CACNA1B: variants seen among roughly 807,000 people sequenced by gnomAD.
CACNA1B encodes the protein calcium voltage-gated channel subunit alpha1 B, also known as voltage-dependent N-type calcium channel subunit alpha-1B.
CACNA1B carries 70 observed loss-of-function variants against 247.2 expected under a neutral mutation model. The ratio of observed to expected loss-of-function variants is 0.28; its 90% CI spans 0.23 to 0.35. The LOEUF (loss-of-function observed/expected upper bound fraction) is 0.35. CACNA1B is among the 10% of genes least tolerant of loss of function. The pLI is 1.00. For missense variants in CACNA1B, 2,367 were observed against 3,197.4 expected, an observed-to-expected ratio of 0.74 and a Z score of 6.26; for synonymous variants, 1,231 against 1,294.4, an observed-to-expected ratio of 0.95 and a Z score of 1.05.
rs755331470 is a variant in CACNA1B at position 137,941,059 on chromosome 9, A to G, written c.967-11215A>G. Among the ~76,000 whole-genome samples, 6 of 152,134 alleles carry G rather than the reference A, an allele frequency of 3.9e-5. 1 individual carries two copies. The South Asian group carries it at 6.2e-4, about 16-fold the overall frequency. On this transcript the variant is annotated intron_variant, in intron 6 of 46. Transcript: ENST00000371372. The stretch of plus-strand genomic sequence containing the variant: ...CTTCAACATAGTAATGGAAGTCCTA[A>G]CCAGAGCAATCAGACAAGAGAAAGA...
intron 42 of CACNA1B, among the ~76,000 whole-genome samples, chr9:138,116,197 C>A (rs1003135804): frequency 6.6e-6 from 1 of 152,224 alleles, no homozygotes; most frequent in African/African-American, 2.4e-5. Context: ...CAATGGCCTT[C>A]TACTGCTCTG....
At chr9:137,885,017 G>T (rs1956990210) in intron 3 of CACNA1B, among the ~76,000 whole-genome samples, 1 of 116,546 alleles carries the variant, frequency 8.6e-6, no homozygotes, top group South Asian at 3.3e-4. Context: ...CACGCTCTCT[G>T]TCTCTGGCCC....
rs1187449257 is a variant in CACNA1B, at chr9:138,051,571, C to T, written c.3711-521C>T. 4.6e-5 allele frequency among the ~76,000 whole-genome samples: 7 copies of T among 151,728 alleles called. No homozygotes were observed. Among genetic ancestry groups the T allele is most frequent in the African/African-American group, 1.7e-4 (7 of 41,234 alleles). ...TTTTCTCTTTCTTACTCTCCTTCCC[C>T]TCTTCTGTCTTCCCGCTGTCGGTTT... is the stretch of plus-strand genomic sequence containing the variant. On this transcript the variant is annotated intron_variant, in intron 24 of 46. Transcript: ENST00000371372. The surrounding 1 kb of genome is among the most constrained non-coding windows in gnomAD (Gnocchi z 4.3).
intron 39 of CACNA1B, among the ~76,000 whole-genome samples, chr9:138,110,978 TA>T (rs35447490): frequency 0.19 from 27,483 of 143,730 alleles, 3,042 homozygotes; most frequent in Middle Eastern, 0.33. Context: ...ATCCAGAATT[TA>T]AAAAAAAAAA....
intron 6 of CACNA1B, among the ~76,000 whole-genome samples, chr9:137,931,878 C>A (rs1957611670): frequency 6.6e-6 from 1 of 152,084 alleles, no homozygotes; most frequent in African/African-American, 2.4e-5. Context: ...TAGTGATGGG[C>A]CGGCTAGAGG....
At chr9:137,996,194 A>G (rs1057223368) in intron 15 of CACNA1B, among the ~76,000 whole-genome samples, 8 of 152,260 alleles carry the variant, frequency 5.3e-5, no homozygotes, top group African/African-American at 1.7e-4. Context: ...TATATGAAAA[A>G]GGATACTTGC....
At chr9:138,025,274 C>T (rs1958907890) in intron 20 of CACNA1B, 102 bp downstream of exon 20, 4 of 736,632 alleles carry the variant, frequency 5.4e-6, no homozygotes, top group Non-Finnish European at 7.0e-6. Flanking sequence ...CCCAGCCTAC[C>T]TCTGTGAATT....
chr9:138,026,698 AT>A (rs1269522518), intron 20 of CACNA1B, among the ~76,000 whole-genome samples: 2 of 152,164 alleles, frequency 1.3e-5, no homozygotes, highest in African/African-American at 4.8e-5. Context: ...GTTGCTTCCA[AT>A]TTTTGGCAAT....
chr9:137,995,044 A>T (rs529668865), intron 15 of CACNA1B, among the ~76,000 whole-genome samples: 27 of 152,052 alleles, frequency 1.8e-4, no homozygotes, highest in African/African-American at 5.5e-4. Context: ...AACCCTACTT[A>T]AAAAAGTACA....
chr9:138,112,700 G>T (rs1247319369), intron 40 of CACNA1B, among the ~76,000 whole-genome samples, 195 bp downstream of exon 40: 2 of 152,190 alleles, frequency 1.3e-5, no homozygotes, highest in Admixed American at 6.5e-5. Context: ...AGATGAGCGT[G>T]GGTTTGTTGT....
intron 20 of CACNA1B, among the ~76,000 whole-genome samples, chr9:138,026,160 C>T (rs2133443377): frequency 6.6e-6 from 1 of 152,344 alleles, no homozygotes; most frequent in East Asian, 1.9e-4. Flanking sequence ...TGCTCAGGTG[C>T]TCTCACCTGG....
At chr9:137,932,494 G>T (rs1018402371) in intron 6 of CACNA1B, among the ~76,000 whole-genome samples, 6 of 152,180 alleles carry the variant, frequency 3.9e-5, no homozygotes, top group Non-Finnish European at 8.8e-5. Flanking sequence ...GGGCTAGCTT[G>T]TTGTTTTCAC....
chr9:137,971,913 G>A lies in CACNA1B; in HGVS notation c.1543+321G>A, dbSNP rs1002484171. ...GGATATATGTGGGACGACCAGGGGC[G>A]AGTCAGGCCAGGCAGATGGGTGTCC... On this transcript the variant is annotated intron_variant, in intron 11 of 46. Transcript: ENST00000371372. This position sits in a 1 kb window ranked among gnomAD's most constrained non-coding sequence, Gnocchi z 4.4. Among the ~76,000 whole-genome samples the A allele has an allele frequency of 1.3e-5, 2 of 151,968 alleles. No individual in the cohort carries two copies. Among genetic ancestry groups the A allele is most frequent in the Admixed American group, 6.6e-5 (1 of 15,256 alleles).
In CACNA1B at chr9:137,917,365, C is replaced by T. The variant is rs762255094; in HGVS notation, c.900C>T (p.Ile300=). The T allele has an allele frequency of 2.0e-5, 32 of 1,613,868 alleles. No individual in the cohort carries two copies. The highest frequency in any genetic ancestry group is 2.6e-5 in the Non-Finnish European group (31 of 1,179,880). ...PNFGITNFDN[I]LFAILTVFQC... ...TTGGCATCACCAACTTTGACAATAT[C>T]CTGTTTGCCATCTTGACGGTGTTCC... Residue 300 remains isoleucine (I), a synonymous_variant, in exon 6 of 47, where the codon ATC becomes ATT. Transcript: ENST00000371372. The surrounding 1 kb of genome is among the most constrained non-coding windows in gnomAD (Gnocchi z 5.5).
At chr9:138,087,396 A>AAT (rs1243465128) in intron 36 of CACNA1B, among the ~76,000 whole-genome samples, 1 of 146,544 alleles carries the variant, frequency 6.8e-6, no homozygotes, top group African/African-American at 2.6e-5. Context: ...AAAAAAAAAA[A>AAT]AAAAAAAGAA....
chr9:137,984,370 A>G, intron 13 of CACNA1B, 120 bp downstream of exon 13: 1 of 726,612 alleles, frequency 1.4e-6, no homozygotes, highest in East Asian at 2.7e-5. Context: ...TGTGGCTTAT[A>G]GTTGATTTAA....
At chr9:138,013,789 G>A (rs1958756381) in intron 18 of CACNA1B, among the ~76,000 whole-genome samples, 1 of 152,228 alleles carries the variant, frequency 6.6e-6, no homozygotes, top group African/African-American at 2.4e-5. Flanking sequence ...AAAGTGTCCA[G>A]CCCAGGGCCA....
At chr9:138,016,043 TACAC>T (rs1337311276) in intron 18 of CACNA1B, among the ~76,000 whole-genome samples, 1 of 151,714 alleles carries the variant, frequency 6.6e-6, no homozygotes, top group African/African-American at 2.4e-5. Flanking sequence ...CACAGAATCA[TACAC>T]ACAGACTCAC....
At chr9:138,109,985 C>T (rs1038177179) in intron 39 of CACNA1B, among the ~76,000 whole-genome samples, 10 of 151,926 alleles carry the variant, frequency 6.6e-5, no homozygotes, top group African/African-American at 1.9e-4. Context: ...ACCTGGGAGT[C>T]GGAGGTTGCA....
Sources: gnomAD v4.1 joint callset for allele counts (sites outside exome capture counted in the v4.1 genomes callset) on GRCh38, gnomAD v4.1.1 for gene constraint, Gnocchi (gnomAD v3.1) non-coding constraint, MANE v1.5 for transcripts, NCBI Gene and HGNC (gene_info 2026-07-23, HGNC 2026-07-21) for gene names.